Variants in KMT5C observed in about 807,000 individuals in gnomAD.
KMT5C encodes histone-lysine N-methyltransferase KMT5C.
KMT5C carries 16 observed loss-of-function variants against 38.2 expected under a neutral mutation model. The observed-to-expected ratio is 0.42, with a 90% CI of 0.28 to 0.64. The LOEUF is 0.64. KMT5C is among the 30% of genes least tolerant of loss of function. The probability of loss-of-function intolerance (pLI) is 0.23; values close to 1 mark genes in which losing one functional copy is unlikely to be tolerated. For synonymous variants in KMT5C, 291 were observed against 279.0 expected, an observed-to-expected ratio of 1.04 and a Z score of -0.43; for missense variants, 598 against 665.1, an observed-to-expected ratio of 0.90 and a Z score of 1.11.
chr19:55,343,304 G>T lies in KMT5C; in HGVS notation c.387-376G>T, dbSNP rs2089581081. ...TGTGAGGAATGAGCAAGTGCTCCCA[G>T]GGCGAGGCTCACACTGACAGGGGAA... is the stretch of plus-strand genomic sequence containing the variant. On this transcript the variant is annotated intron_variant, in intron 4 of 8. Transcript: ENST00000255613. The surrounding 1 kb of genome is among the most constrained non-coding windows in gnomAD (Gnocchi z 5.5). The T allele has an allele frequency of 9.1e-6, 3 of 331,052 alleles. No homozygotes were observed. The allele number at this position is 331,052 out of a possible 1,614,324, so 20.5% of individuals were successfully genotyped here.
intron 6 of KMT5C, chr19:55,344,226 G>A: frequency 2.4e-6 from 1 of 418,204 alleles, no homozygotes; most frequent in East Asian, 4.8e-5. Flanking sequence ...GTCGGGCGTG[G>A]TGGCGGGCGC....
In KMT5C at chr19:55,344,006, T is replaced by C. The variant is rs2089589386; in HGVS notation, c.570+9T>C. 2 of 1,610,516 alleles carry C rather than the reference T, an allele frequency of 1.2e-6. No homozygotes were observed. The highest frequency in any genetic ancestry group is 1.1e-5 in the South Asian group (1 of 90,960). Reference sequence around the variant, plus strand: ...GCAAACCCAACTGCAAGGTAAGGCCTTGGGACTCGGGAGGAGAGGGCACGC... The same window carrying C: ...GCAAACCCAACTGCAAGGTAAGGCCCTGGGACTCGGGAGGAGAGGGCACGC... On this transcript the variant is annotated intron_variant, in intron 6 of 8. Coordinates refer to ENST00000255613, the MANE Select transcript of KMT5C (RefSeq NM_032701.4).
intron 3 of KMT5C, 143 bp from the exon 4 acceptor site, chr19:55,342,599 G>A (rs1472420097): frequency 1.5e-6 from 1 of 645,186 alleles, no homozygotes; most frequent in African/African-American, 1.8e-5. Flanking sequence ...TTTGACGGAT[G>A]AGGAAACTGA....
intron 6 of KMT5C, 54 bp downstream of exon 6, chr19:55,344,051 G>A: frequency 6.3e-7 from 1 of 1,588,014 alleles, no homozygotes; most frequent in South Asian, 1.1e-5. Flanking sequence ...GGGTGCCTGT[G>A]GCCTGGGGAA....
chr19:55,344,843 C>T (rs10405231), intron 6 of KMT5C: 218,410 of 487,178 alleles, frequency 0.45, 50,740 homozygotes, highest in East Asian at 0.73. Flanking sequence ...GATGGGGCAC[C>T]CCGGGAGGCA....
chr19:55,345,341 C>G (rs1333277464), intron 6 of KMT5C: 1 of 348,490 alleles, frequency 2.9e-6, no homozygotes, highest in African/African-American at 2.1e-5. Flanking sequence ...GCCATGGAAG[C>G]TCCCCCCAGG....
chr19:55,342,679 T>C (rs1600262134), intron 3 of KMT5C, 63 bp from the exon 4 acceptor site: 6 of 964,840 alleles, frequency 6.2e-6, no homozygotes, highest in Non-Finnish European at 1.0e-5. Flanking sequence ...CCTAGAGTCC[T>C]GGAGAGAGAG....
Position 55,341,771 on chromosome 19 carries a change from C to T in KMT5C, c.-143-23C>T, listed in dbSNP as rs931508504. On this transcript the variant is annotated intron_variant, in intron 1 of 8. Transcript: ENST00000255613. ...CGCCAGCGGCCTGGTGAAGTCAGCA[C>T]TGCTTTTCTCCCCATTTTGCAGATG... The T allele has an allele frequency of 8.1e-6, 5 of 619,190 alleles. No homozygotes were observed. In the African/African-American group the frequency reaches 9.2e-5, roughly 11 times the overall value. The allele number at this position is 619,190 out of a possible 1,614,324, so 38.4% of individuals were successfully genotyped here.
At position 55,346,613 on chromosome 19, in the gene KMT5C, G is replaced by A. The variant is rs1418229628; in HGVS notation, c.821G>A (p.Ser274Asn). Residue 274 changes from serine (S) to asparagine (N), a missense_variant, in exon 8 of 9, where the codon AGT becomes AAT. Transcript: ENST00000255613. Reference protein sequence around the residue: ...TKRRLQQGLDSGSRQGLLGPR... With the variant: ...TKRRLQQGLDNGSRQGLLGPR... The stretch of plus-strand genomic sequence containing the variant: ...CGGCGGCTGCAGCAAGGCCTGGACA[G>A]TGGCAGCCGACAGGGCCTGCTGGGC... 10 of 1,573,086 alleles carry A rather than the reference G, an allele frequency of 6.4e-6. No individual in the cohort carries two copies. The East Asian group carries it at 7.1e-5, about 11-fold the overall frequency.
At position 55,347,431 on chromosome 19, in the gene KMT5C, C is replaced by T. The variant is rs73607029; in HGVS notation, c.1371C>T (p.Val457=). Residue 457 remains valine, a synonymous_variant, in exon 9 of 9, where the codon GTC becomes GTT. Transcript: ENST00000255613. The surrounding 1 kb of genome is among the most constrained non-coding windows in gnomAD (Gnocchi z 4.6). ...GCCACGGCTCCATCGACCTGGATGT[C>T]GGCGGTGAAGAGCTGTGACAGGCCG... ...VVSHGSIDLD[V]GGEEL is the part of the protein sequence containing the mutation. 3.5e-3 allele frequency: 5,371 copies of T among 1,546,976 alleles called. 169 individuals carry two copies. In the African/African-American group the frequency reaches 0.065, roughly 19 times the overall value.
At chr19:55,340,035 C>T (rs1028190577) in intron 1 of KMT5C, 78 bp downstream of exon 1, 1 of 151,894 alleles carries the variant, frequency 6.6e-6, no homozygotes, top group African/African-American at 2.4e-5. Context: ...CCCAGTCGCC[C>T]CCTGCCCCGA....
Position 55,346,652 on chromosome 19 carries a change from T to A in KMT5C, c.860T>A (p.Val287Glu), listed in dbSNP as rs2089621947. Residue 287 changes from valine to glutamate, a missense_variant, in exon 8 of 9, where the codon GTG becomes GAG. Coordinates refer to ENST00000255613, the MANE Select transcript of KMT5C (RefSeq NM_032701.4). ...RQGLLGPRAC[V>E]HPSPLRRDPF... ...GGCCTGCTGGGCCCTCGGGCCTGCG[T>A]GCACCCATCCCCGCTGCGCCGGGAC... 6.3e-7 allele frequency: 1 copy of A among 1,577,138 alleles called. No individual in the cohort carries two copies. Among genetic ancestry groups the A allele is most frequent in the Non-Finnish European group, 8.6e-7 (1 of 1,162,334 alleles).
rs1600269903 is a variant in KMT5C at position 55,347,691 on chromosome 19, A to G, written c.*242A>G. ...GCCCCGGCCATTTGCTGCCCTCCCC[A>G]CCCCTGCCCCAGCCTCAGGACTGCA... On this transcript the variant is annotated 3_prime_UTR_variant, in exon 9 of 9. Transcript: ENST00000255613. This position sits in a 1 kb window ranked among gnomAD's most constrained non-coding sequence, Gnocchi z 4.6. 1.9e-6 allele frequency: 1 copy of G among 530,078 alleles called. No homozygotes were observed. The highest frequency in any genetic ancestry group is 4.0e-5 in the Admixed American group (1 of 24,812). 32.8% of individuals were successfully genotyped at this position (530,078 alleles called of 1,614,324 possible). A position where few individuals can be genotyped will look rare whatever the true frequency, so the allele number is the denominator to read the frequency against.
intron 6 of KMT5C, among the ~76,000 whole-genome samples, chr19:55,345,821 A>C (rs995386391): frequency 1.3e-5 from 2 of 152,112 alleles, no homozygotes; most frequent in African/African-American, 4.8e-5. Flanking sequence ...CAGAGCTCGG[A>C]CCTCAGCTGC....
In KMT5C at chr19:55,339,924, G is replaced by T. The variant is rs1046570557; in HGVS notation, c.-177G>T. On this transcript the variant is annotated 5_prime_UTR_variant, in exon 1 of 9. Coordinates refer to ENST00000255613, the MANE Select transcript of KMT5C (RefSeq NM_032701.4). ...GGCTGTGGGAGGTGTTGGCGGCGGCGGCGCGGGCGCCTGAGGAGGAGGAGG... is the reference window on the plus strand; with the variant it reads ...GGCTGTGGGAGGTGTTGGCGGCGGCTGCGCGGGCGCCTGAGGAGGAGGAGG... 6.5e-6 allele frequency: 1 copy of T among 154,384 alleles called. No individual in the cohort carries two copies. The highest frequency in any genetic ancestry group is 1.9e-4 in the South Asian group (1 of 5,334). 9.6% of individuals were successfully genotyped at this position (154,384 alleles called of 1,614,324 possible). A position where few individuals can be genotyped will look rare whatever the true frequency, so the allele number is the denominator to read the frequency against.
chr19:55,341,621 T>G, intron 1 of KMT5C, 173 bp from the exon 2 acceptor site: 16 of 390,888 alleles, frequency 4.1e-5, no homozygotes, highest in Non-Finnish European at 5.7e-5. Flanking sequence ...TGGGTGTGCA[T>G]GTGGGGGTTG....
chr19:55,346,912 C>A, intron 8 of KMT5C, 44 bp from the exon 9 acceptor site: 1 of 808,152 alleles, frequency 1.2e-6, no homozygotes, highest in Non-Finnish European at 2.1e-6. Flanking sequence ...ACTGACTTCA[C>A]CTCTCCTTTG....
At chr19:55,344,362 A>T in intron 6 of KMT5C, 1 of 131,072 alleles carries the variant, frequency 7.6e-6, no homozygotes, top group South Asian at 2.3e-4. Flanking sequence ...ACTCTGTCTC[A>T]AAAAAAAAAA....
chr19:55,346,131 C>G (rs2089613614), intron 6 of KMT5C, 82 bp from the exon 7 acceptor site: 1 of 1,563,656 alleles, frequency 6.4e-7, no homozygotes, highest in Non-Finnish European at 8.7e-7. Context: ...CGCTCCGGGC[C>G]AGGGTGCCCG....
Sources: allele counts gnomAD v4.1 joint callset (sites outside exome capture counted in the v4.1 genomes callset), GRCh38; gene constraint gnomAD v4.1.1; non-coding constraint Gnocchi (gnomAD v3.1); transcripts MANE v1.5; gene names NCBI Gene and HGNC (gene_info 2026-07-23, HGNC 2026-07-21).